The following GNPTAB variants were observed in gnomAD, a reference collection of about 807,000 sequenced individuals.
The protein encoded by GNPTAB is N-acetylglucosamine-1-phosphate transferase subunits alpha and beta.
GNPTAB carries 92 observed loss-of-function variants against 136.6 expected under a neutral mutation model. That is an observed-to-expected ratio of 0.67 (90% CI 0.57 to 0.80). The LOEUF is 0.80. GNPTAB is among the 30% of genes least tolerant of loss of function. The pLI, the probability that GNPTAB is intolerant of heterozygous loss-of-function variation, is 0.00. For synonymous variants in GNPTAB, 512 were observed against 535.1 expected, an observed-to-expected ratio of 0.96 and a Z score of 0.60; for missense variants, 1,343 against 1,501.8, an observed-to-expected ratio of 0.89 and a Z score of 1.75.
At position 101,766,076 on chromosome 12, in the gene GNPTAB, T is replaced by C. The variant is rs978806216; in HGVS notation, c.1612+15A>G. On this transcript the variant is annotated intron_variant, in intron 12 of 20. Transcript: ENST00000299314. The stretch of plus-strand genomic sequence containing the variant: ...TTTTATGCTCCCATTCTTATTTGTT[T>C]GGCAGTAAACATACCTTGCCCACAG... 2.5e-6 allele frequency: 4 copies of C among 1,608,852 alleles called. No homozygotes were observed. Among genetic ancestry groups the C allele is most frequent in the Non-Finnish European group, 2.6e-6 (3 of 1,175,582 alleles).
rs71438444 is a variant in GNPTAB at position 101,817,265 on chromosome 12, C to CTTTT, written c.117+13290_117+13293dup. On this transcript the variant is annotated intron_variant, in intron 1 of 20. Coordinates refer to ENST00000299314, the MANE Select transcript of GNPTAB (RefSeq NM_024312.5). Reference sequence around the variant, plus strand: ...CCATTACCCAGATTTTATCATTCCACTTTTTTTTTTTTTTTTTTTTTTGAG... The same window carrying CTTTT: ...CCATTACCCAGATTTTATCATTCCACTTTTTTTTTTTTTTTTTTTTTTTTTTGAG... Among the ~76,000 whole-genome samples, 143 of 108,162 alleles carry CTTTT rather than the reference C, an allele frequency of 1.3e-3. 1 individual carries two copies. Among genetic ancestry groups the CTTTT allele is most frequent in the African/African-American group, 1.8e-3 (48 of 26,738 alleles). The allele number at this position is 108,162 out of a possible 152,430, so 71.0% of individuals were successfully genotyped here. A position where few individuals can be genotyped will look rare whatever the true frequency, so the allele number is the denominator to read the frequency against.
At chr12:101,780,033 C>T in intron 7 of GNPTAB, 119 bp downstream of exon 7, 1 of 985,664 alleles carries the variant, frequency 1.0e-6, no homozygotes, top group Non-Finnish European at 1.6e-6. Flanking sequence ...GAACAGAATC[C>T]CTCTTTGCTT....
chr12:101,755,735 A>G (rs1231779198), intron 18 of GNPTAB, among the ~76,000 whole-genome samples: 1 of 152,236 alleles, frequency 6.6e-6, no homozygotes, highest in Non-Finnish European at 1.5e-5. Flanking sequence ...GCCTTCGTCG[A>G]AATAAAACAA....
intron 19 of GNPTAB, among the ~76,000 whole-genome samples, chr12:101,752,957 G>A (rs1182447993): frequency 4.6e-5 from 7 of 152,036 alleles, no homozygotes; most frequent in Admixed American, 6.6e-5. Context: ...CAAATAACAC[G>A]TTAAAGAAAT....
intron 7 of GNPTAB, among the ~76,000 whole-genome samples, chr12:101,777,277 C>T (rs976207972): frequency 2.0e-5 from 3 of 152,144 alleles, no homozygotes; most frequent in Admixed American, 1.3e-4. Context: ...ACTGGTTTTC[C>T]TACCACACCT....
At chr12:101,761,842 TGTG>T in intron 13 of GNPTAB, 79 bp from the exon 14 acceptor site, 2 of 1,072,394 alleles carry the variant, frequency 1.9e-6, no homozygotes, top group East Asian at 2.4e-5. Context: ...TTTTATATAA[TGTG>T]GTAATAACTA....
chr12:101,829,357 C>T (rs1236541489), intron 1 of GNPTAB, among the ~76,000 whole-genome samples: 4 of 151,960 alleles, frequency 2.6e-5, no homozygotes, highest in Admixed American at 1.3e-4. Flanking sequence ...TGGTGGTACG[C>T]GCCTGTAGTC....
rs1010455618 is a variant in GNPTAB, at chr12:101,816,275, T to A, written c.117+14284A>T. Among the ~76,000 whole-genome samples, 44 of 152,114 alleles carry A rather than the reference T, an allele frequency of 2.9e-4. 1 individual carries two copies. The highest frequency in any genetic ancestry group is 2.9e-3 in the Admixed American group (44 of 15,276). On this transcript the variant is annotated intron_variant, in intron 1 of 20. Coordinates refer to ENST00000299314, the MANE Select transcript of GNPTAB (RefSeq NM_024312.5). ...GAGACTACCTACAGAATGAGAAAAATTATTTGTAAACTATTCATTTGACAA... is the reference window on the plus strand; with the variant it reads ...GAGACTACCTACAGAATGAGAAAAAATATTTGTAAACTATTCATTTGACAA...
At chr12:101,824,405 C>CATAT (rs373112951) in intron 1 of GNPTAB, among the ~76,000 whole-genome samples, 610 of 47,772 alleles carry the variant, frequency 0.013, 15 homozygotes, top group African/African-American at 0.03. Flanking sequence ...GAAATTTCAC[C>CATAT]ATATATATAT....
chr12:101,752,152 G>A (rs897654019), intron 19 of GNPTAB, among the ~76,000 whole-genome samples: 27 of 152,184 alleles, frequency 1.8e-4, no homozygotes, highest in Admixed American at 9.8e-4. Flanking sequence ...GGCCGGATAC[G>A]GTGGCTCAGG....
intron 10 of GNPTAB, among the ~76,000 whole-genome samples, chr12:101,769,754 A>T (rs543973710): frequency 8.1e-4 from 122 of 150,048 alleles, no homozygotes; most frequent in Middle Eastern, 3.4e-3. Flanking sequence ...CCAACACCCA[A>T]GCAGCTGGGA....
In GNPTAB at chr12:101,745,838, A is replaced by C. The variant is rs1952725528; in HGVS notation, c.*1326T>G. ...CACCTGAGGTCAGGAGTTCAAGATA[A>C]GCCTGACCAATATGGTGGAACCCCC... is the stretch of plus-strand genomic sequence containing the variant. On this transcript the variant is annotated 3_prime_UTR_variant, in exon 21 of 21. Transcript: ENST00000299314. 1 of 152,318 alleles carries C rather than the reference A, an allele frequency of 6.6e-6. No homozygotes were observed. The highest frequency in any genetic ancestry group is 2.4e-5 in the African/African-American group (1 of 41,456). The allele number at this position is 152,318 out of a possible 1,614,324, so 9.4% of individuals were successfully genotyped here.
In GNPTAB at chr12:101,786,282, G is replaced by T. The variant is rs1198613690; in HGVS notation, c.366-65C>A. On this transcript the variant is annotated intron_variant, in intron 4 of 20. Transcript: ENST00000299314. ...AAATTTAATCAGCAATGAGAAGCTT[G>T]TCATACTACTAAATTTTTCAGATTT... The T allele has an allele frequency of 4.7e-6, 6 of 1,272,006 alleles. No homozygotes were observed. In the African/African-American group the frequency reaches 7.4e-5, roughly 16 times the overall value. The allele number at this position is 1,272,006 out of a possible 1,614,324, so 78.8% of individuals were successfully genotyped here. A position where few individuals can be genotyped will look rare whatever the true frequency, so the allele number is the denominator to read the frequency against.
intron 2 of GNPTAB, among the ~76,000 whole-genome samples, chr12:101,791,790 T>G (rs865839979): frequency 6.6e-6 from 1 of 152,176 alleles, no homozygotes; most frequent in African/African-American, 2.4e-5. Flanking sequence ...TTTTGAATTA[T>G]GGAAAGAAAA....
At chr12:101,784,891 T>C (rs1594233107) in intron 5 of GNPTAB, among the ~76,000 whole-genome samples, 1 of 152,164 alleles carries the variant, frequency 6.6e-6, no homozygotes, top group Non-Finnish European at 1.5e-5. Flanking sequence ...AGACAATCCA[T>C]GCAGAGGAGG....
At chr12:101,776,859 G>T (rs1249884326) in intron 7 of GNPTAB, among the ~76,000 whole-genome samples, 1 of 152,244 alleles carries the variant, frequency 6.6e-6, no homozygotes, top group African/African-American at 2.4e-5. Flanking sequence ...GCCCTAGGTG[G>T]CTCCAGGGCC....
chr12:101,754,174 C>A (rs999074050), intron 18 of GNPTAB, among the ~76,000 whole-genome samples: 5 of 152,124 alleles, frequency 3.3e-5, no homozygotes, highest in African/African-American at 1.2e-4. Flanking sequence ...TGCCTGTAAT[C>A]CCAGCACTTT....
Position 101,764,914 on chromosome 12 carries a change from T to C in GNPTAB, c.2003A>G (p.Asp668Gly). The C allele has an allele frequency of 6.2e-7, 1 of 1,613,888 alleles. No homozygotes were observed. The highest frequency in any genetic ancestry group is 8.5e-7 in the Non-Finnish European group (1 of 1,180,028). The change falls in exon 13 of 21, where the codon GAT (aspartate) becomes GGT (glycine). Residue 668 changes from aspartate to glycine, a missense_variant. Asp to Gly is a moderately conservative substitution (Grantham distance 94). Transcript: ENST00000299314. ...LLPEAEILFEDIPKEKRFPKF... is the reference protein window; with the variant it reads ...LLPEAEILFEGIPKEKRFPKF... ...CGGGAAGCGTTTTTCTTTGGGAATA[T>C]CCTCAAAAAGGATTTCCGCCTCTGG...
intron 14 of GNPTAB, 92 bp from the exon 15 acceptor site, chr12:101,761,438 A>C (rs751180189): frequency 2.4e-4 from 340 of 1,427,716 alleles, no homozygotes; most frequent in Middle Eastern, 1.8e-3. Context: ...TTTCTCACTT[A>C]GATAATACCT....
Sources: allele counts gnomAD v4.1 joint callset (sites outside exome capture counted in the v4.1 genomes callset), GRCh38; gene constraint gnomAD v4.1.1; transcripts MANE v1.5; gene names NCBI Gene and HGNC (gene_info 2026-07-23, HGNC 2026-07-21).